The following SPATA13 variants were observed in gnomAD, a reference collection of about 807,000 sequenced individuals.
The protein encoded by SPATA13 is spermatogenesis-associated protein 13.
A neutral mutation model predicts 104.0 loss-of-function variants in SPATA13; 50 were observed. That is an observed-to-expected ratio of 0.48 (90% CI 0.38 to 0.61). SPATA13 has a LOEUF of 0.61. Among genes scored for constraint, SPATA13 ranks in the 20% least tolerant of loss-of-function variants. The probability of loss-of-function intolerance (pLI) is 0.00; values close to 1 mark genes in which losing one functional copy is unlikely to be tolerated. For missense variants in SPATA13, 1,524 were observed against 1,690.6 expected (o/e 0.90, Z 1.73); for synonymous variants, 606 against 667.5 (o/e 0.91, Z 1.42).
intron 2 of SPATA13, among the ~76,000 whole-genome samples, chr13:24,000,539 A>C (rs1875909944): frequency 6.6e-6 from 1 of 152,180 alleles, no homozygotes; most frequent in Non-Finnish European, 1.5e-5. Flanking sequence ...GACAGGCCAC[A>C]AACCAAGCAC....
At chr13:24,283,570 A>T (rs1055968113) in intron 4 of SPATA13, among the ~76,000 whole-genome samples, 1 of 152,222 alleles carries the variant, frequency 6.6e-6, no homozygotes, top group Non-Finnish European at 1.5e-5. Context: ...TCCTTAAAAG[A>T]TCTTTCTCTC....
At chr13:24,215,007 C>T (rs561280658) in intron 1 of SPATA13, among the ~76,000 whole-genome samples, 6 of 152,306 alleles carry the variant, frequency 3.9e-5, no homozygotes, top group Admixed American at 2.6e-4. Flanking sequence ...GGATATTATA[C>T]CAGAGTATTC....
At chr13:24,183,795 G>A (rs572017715) in intron 1 of SPATA13, among the ~76,000 whole-genome samples, 1 of 152,192 alleles carries the variant, frequency 6.6e-6, no homozygotes, top group South Asian at 2.1e-4. Flanking sequence ...AGGGGGCGGG[G>A]TGAGCAGGAC....
At chr13:24,010,340 C>T (rs1026937951) in intron 2 of SPATA13, among the ~76,000 whole-genome samples, 3 of 152,240 alleles carry the variant, frequency 2.0e-5, no homozygotes, top group South Asian at 2.1e-4. Flanking sequence ...CTTCTTTGTT[C>T]CGCATCTGTG....
chr13:24,172,509 G>A (rs1225063085), intron 1 of SPATA13, among the ~76,000 whole-genome samples: 2 of 152,182 alleles, frequency 1.3e-5, no homozygotes, highest in Non-Finnish European at 2.9e-5. Flanking sequence ...TTAAGTCCAT[G>A]ATCCATTCAA....
chr13:24,210,475 A>C (rs1174338847), intron 1 of SPATA13, among the ~76,000 whole-genome samples: 3 of 152,116 alleles, frequency 2.0e-5, no homozygotes, highest in Admixed American at 1.3e-4. Context: ...ATTATTTTGC[A>C]TGTGGATATT....
intron 4 of SPATA13, among the ~76,000 whole-genome samples, chr13:24,280,751 T>C (rs1433972420): frequency 6.6e-6 from 1 of 152,076 alleles, no homozygotes; most frequent in African/African-American, 2.4e-5. Context: ...GTTGTTTCCC[T>C]TGGAGTCTAA....
At chr13:24,125,975 C>T (rs1923911) in intron 3 of SPATA13, among the ~76,000 whole-genome samples, 100,547 of 152,116 alleles carry the variant, frequency 0.66, 33,850 homozygotes, top group East Asian at 0.93. Flanking sequence ...GCCTTTGGCT[C>T]TGCTCCTGGC....
At chr13:24,055,793 A>G (rs1338242951) in intron 3 of SPATA13, among the ~76,000 whole-genome samples, 2 of 152,246 alleles carry the variant, frequency 1.3e-5, no homozygotes, top group Non-Finnish European at 2.9e-5. Context: ...ATATTCTTGG[A>G]TGTCCTAATT....
intron 1 of SPATA13, among the ~76,000 whole-genome samples, chr13:24,200,942 C>T (rs535528935): frequency 6.7e-6 from 1 of 148,278 alleles, no homozygotes; most frequent in African/African-American, 2.4e-5. Context: ...CTGATTACGT[C>T]CTTGTTCTTT....
At chr13:24,118,103 A>G (rs895679614) in intron 3 of SPATA13, among the ~76,000 whole-genome samples, 2 of 152,352 alleles carry the variant, frequency 1.3e-5, no homozygotes, top group Admixed American at 6.5e-5. Flanking sequence ...AGAAAACCAC[A>G]AGCCCCAATA....
chr13:24,215,144 C>A (rs1011132936), intron 1 of SPATA13, among the ~76,000 whole-genome samples: 3 of 152,138 alleles, frequency 2.0e-5, no homozygotes, highest in Non-Finnish European at 4.4e-5. Flanking sequence ...GCTCCAGGGA[C>A]CCCTGTTCAG....
intron 3 of SPATA13, among the ~76,000 whole-genome samples, chr13:24,058,001 C>T (rs9580852): frequency 0.046 from 6,914 of 151,816 alleles, 525 homozygotes; most frequent in African/African-American, 0.16. Context: ...TGTTCATGGC[C>T]AAATTCAAGC....
At chr13:24,233,341 A>G (rs1188515358) in intron 2 of SPATA13, among the ~76,000 whole-genome samples, 1 of 152,246 alleles carries the variant, frequency 6.6e-6, no homozygotes, top group Non-Finnish European at 1.5e-5. Context: ...TATTTCCTAA[A>G]TAGTATGCTT....
At chr13:24,283,214 C>G (rs1345827837) in intron 4 of SPATA13, among the ~76,000 whole-genome samples, 1 of 152,230 alleles carries the variant, frequency 6.6e-6, no homozygotes, top group Non-Finnish European at 1.5e-5. Flanking sequence ...CCACTTGCTT[C>G]AGACTCTCCC....
intron 3 of SPATA13, among the ~76,000 whole-genome samples, chr13:24,069,037 G>A (rs939515423): frequency 7.9e-5 from 12 of 152,122 alleles, no homozygotes; most frequent in African/African-American, 1.4e-4. Flanking sequence ...ATATTCTTGC[G>A]TAGTATAGTC....
intron 4 of SPATA13, among the ~76,000 whole-genome samples, 155 bp downstream of exon 4, chr13:24,252,017 C>T (rs930727831): frequency 1.3e-5 from 2 of 152,196 alleles, no homozygotes; most frequent in Non-Finnish European, 2.9e-5. Context: ...GAGAATGGTG[C>T]ATCATTTGCT....
At chr13:24,115,068 G>A (rs567736140) in intron 3 of SPATA13, among the ~76,000 whole-genome samples, 12 of 152,302 alleles carry the variant, frequency 7.9e-5, no homozygotes, top group African/African-American at 2.2e-4. Context: ...CTTGTTTGCC[G>A]TATATGCTCC....
At chr13:23,998,786 G>A (rs1875812401) in intron 2 of SPATA13, among the ~76,000 whole-genome samples, 2 of 152,020 alleles carry the variant, frequency 1.3e-5, no homozygotes, top group African/African-American at 4.8e-5. Flanking sequence ...CATTTTTCTT[G>A]CACATGAACA....
Sources: allele counts gnomAD v4.1 joint callset (sites outside exome capture counted in the v4.1 genomes callset), GRCh38; gene constraint gnomAD v4.1.1; transcripts MANE v1.5; gene names NCBI Gene and HGNC (gene_info 2026-07-23, HGNC 2026-07-21).